The following SPATA31E1 variants were observed in gnomAD, a reference collection of about 807,000 sequenced individuals.
SPATA31E1 encodes SPATA31 subfamily E member 1.
In SPATA31E1, 7 loss-of-function variants were observed where a neutral mutation model predicts 12.9. The observed-to-expected ratio is 0.54, with a 90% CI of 0.31 to 1.02. The LOEUF is 1.02. Ranked by LOEUF, SPATA31E1 falls within the 50% of genes least tolerant of loss-of-function variation. The pLI is 0.05. For missense variants in SPATA31E1, 1,961 were observed against 1,799.8 expected (o/e 1.09, Z -1.62); for synonymous variants, 771 against 719.0 (o/e 1.07, Z -1.16).
Position 87,886,533 on chromosome 9 carries a change from C to A in SPATA31E1, c.2046C>A (p.Asp682Glu), listed in dbSNP as rs4076795. 942,903 of 1,613,702 alleles carry A rather than the reference C, an allele frequency of 0.58. 283,828 individuals are homozygous for A. Among genetic ancestry groups the A allele is most frequent in the African/African-American group, 0.89 (67,017 of 74,956 alleles). ...QQALLPSQPS[D>E]FAGKGRKDVQ... ...CCCTCTTGCCCTCCCAGCCTTCTGA[C>A]TTTGCAGGGAAGGGCAGGAAGGATG... Residue 682 changes from aspartate to glutamate, a missense_variant, in exon 4 of 4, where the codon GAC becomes GAA. Transcript: ENST00000325643.
intron 2 of SPATA31E1, among the ~76,000 whole-genome samples, chr9:87,884,356 A>G (rs1421199877): frequency 6.6e-6 from 1 of 152,250 alleles, no homozygotes; most frequent in East Asian, 1.9e-4. Context: ...TGCTCTCCCA[A>G]CAAGATGGTT....
Position 87,885,065 on chromosome 9 carries a change from C to A in SPATA31E1, c.578C>A (p.Ala193Asp). 1 of 1,614,172 alleles carries A rather than the reference C, an allele frequency of 6.2e-7. No individual in the cohort carries two copies. The highest frequency in any genetic ancestry group is 8.5e-7 in the Non-Finnish European group (1 of 1,180,022). Residue 193 changes from alanine to aspartate, a missense_variant, in exon 4 of 4, where the codon GCT becomes GAT. Ala to Asp is a moderately radical substitution (Grantham distance 126). Coordinates refer to ENST00000325643, the MANE Select transcript of SPATA31E1 (RefSeq NM_178828.5). The stretch of plus-strand genomic sequence containing the variant: ...TCTCCTGCCAGCTTGTCCCCACCAG[C>A]TCCCCCAGCTCCTCTGGCCTCCACC... ...DPSPASLSPP[A>D]PPAPLASTLS...
chr9:87,886,620 A>G lies in SPATA31E1; in HGVS notation c.2133A>G (p.Lys711=). The change falls in exon 4 of 4, where the codon AAA becomes AAG. Residue 711 remains lysine, a synonymous_variant. Transcript: ENST00000325643. ...CTGACAAGGGGTGCTTAGGGTCCAA[A>G]CTAGGGCCGGACCCAAGCCGGGATC... ...RFSDKGCLGS[K]LGPDPSRDQG... 1.2e-6 allele frequency: 2 copies of G among 1,613,972 alleles called. No homozygotes were observed. Among genetic ancestry groups the G allele is most frequent in the South Asian group, 2.2e-5 (2 of 91,080 alleles).
In SPATA31E1 at chr9:87,887,743, G is replaced by C; in HGVS notation, c.3256G>C (p.Asp1086His). 1 of 1,614,084 alleles carries C rather than the reference G, an allele frequency of 6.2e-7. No homozygotes were observed. The highest frequency in any genetic ancestry group is 1.1e-5 in the South Asian group (1 of 91,084). The part of the protein sequence containing the change: ...PSASSVCVAQ[D>H]PEQLHLKAQV... ...AGCGTCTTCAGTCTGTGTTGCTCAG[G>C]ATCCAGAGCAGCTGCACCTGAAAGC... Residue 1086 changes from aspartate (D) to histidine (H), a missense_variant, in exon 4 of 4, where the codon GAT (aspartate) becomes CAT (histidine). By Grantham distance (81) the Asp-to-His change is moderately conservative. Coordinates refer to ENST00000325643, the MANE Select transcript of SPATA31E1 (RefSeq NM_178828.5).
rs750715484 is a variant in SPATA31E1, at chr9:87,882,885, G to C, written c.-7G>C. On this transcript the variant is annotated 5_prime_UTR_variant, in exon 1 of 4. Coordinates refer to ENST00000325643, the MANE Select transcript of SPATA31E1 (RefSeq NM_178828.5). ...GGGGATGCCCAGAGCTCAGTTGCTT[G>C]AAGGCGATGGGAAATCTCGTCATCC... 2 of 1,608,654 alleles carry C rather than the reference G, an allele frequency of 1.2e-6. No individual in the cohort carries two copies. The highest frequency in any genetic ancestry group is 8.5e-7 in the Non-Finnish European group (1 of 1,176,908).
rs749735008 is a variant in SPATA31E1, at chr9:87,886,511, T to C, written c.2024T>C (p.Leu675Pro). 3 of 1,613,692 alleles carry C rather than the reference T, an allele frequency of 1.9e-6. No homozygotes were observed. The African/African-American group carries it at 4.0e-5, about 22-fold the overall frequency. The change falls in exon 4 of 4, where the codon CTC becomes CCC. Residue 675 changes from leucine (L) to proline (P), a missense_variant. Leu to Pro is a moderately conservative substitution (Grantham distance 98). Transcript: ENST00000325643. ...QSQAEDTQQA[L>P]LPSQPSDFAG... ...CAGGCAGAAGACACGCAGCAGGCCC[T>C]CTTGCCCTCCCAGCCTTCTGACTTT...
At position 87,885,601 on chromosome 9, in the gene SPATA31E1, A is replaced by G. The variant is rs1828253800; in HGVS notation, c.1114A>G (p.Arg372Gly). Residue 372 changes from arginine (R) to glycine (G), a missense_variant, in exon 4 of 4, where the codon AGA becomes GGA. Physicochemically the swap from Arg to Gly is moderately radical, Grantham distance 125. Coordinates refer to ENST00000325643, the MANE Select transcript of SPATA31E1 (RefSeq NM_178828.5). ...GCTGCTGGAGACCCTCATCGCCAAG[A>G]GAGCACTGATGAAGATGTGGCAGGA... ...QKLLETLIAKRALMKMWQEKE... is the reference protein window; with the variant it reads ...QKLLETLIAKGALMKMWQEKE... 2 of 1,614,002 alleles carry G rather than the reference A, an allele frequency of 1.2e-6. No individual in the cohort carries two copies. Among genetic ancestry groups the G allele is most frequent in the Non-Finnish European group, 1.7e-6 (2 of 1,180,048 alleles).
Position 87,886,291 on chromosome 9 carries a change from G to A in SPATA31E1, c.1804G>A (p.Glu602Lys). Reference protein sequence around the residue: ...LSQPTAHLPQERPASWSPKSA... With the variant: ...LSQPTAHLPQKRPASWSPKSA... Reference sequence around the variant, plus strand: ...CCAGCCCACTGCCCACCTTCCCCAAGAGAGGCCGGCCTCCTGGAGCCCCAA... The same window carrying A: ...CCAGCCCACTGCCCACCTTCCCCAAAAGAGGCCGGCCTCCTGGAGCCCCAA... The change falls in exon 4 of 4, where the codon GAG becomes AAG. Residue 602 changes from glutamate to lysine, a missense_variant. By Grantham distance (56) the Glu-to-Lys change is moderately conservative. Transcript: ENST00000325643. 6.2e-7 allele frequency: 1 copy of A among 1,613,710 alleles called. No homozygotes were observed.
chr9:87,885,131 C>A lies in SPATA31E1; in HGVS notation c.644C>A (p.Pro215Gln), dbSNP rs1450073390. 2 of 1,614,036 alleles carry A rather than the reference C, an allele frequency of 1.2e-6. No individual in the cohort carries two copies. Among genetic ancestry groups the A allele is most frequent in the South Asian group, 1.1e-5 (1 of 91,084 alleles). The change falls in exon 4 of 4, where the codon CCA (proline) becomes CAA (glutamine). Residue 215 changes from proline (P) to glutamine (Q), a missense_variant. Physicochemically the swap from Pro to Gln is moderately conservative, Grantham distance 76. Coordinates refer to ENST00000325643, the MANE Select transcript of SPATA31E1 (RefSeq NM_178828.5). ...ATGACCTTCTCAGAGCCTTTTGGAC[C>A]ACACTCAACCCTGAGTGCCTCCGGG... ...GPMTFSEPFG[P>Q]HSTLSASGPP... is the part of the protein sequence containing the mutation.
In SPATA31E1 at chr9:87,886,659, G is replaced by A; in HGVS notation, c.2172G>A (p.Arg724=). 6.2e-7 allele frequency: 1 copy of A among 1,614,020 alleles called. No individual in the cohort carries two copies. The highest frequency in any genetic ancestry group is 8.5e-7 in the Non-Finnish European group (1 of 1,180,046). Residue 724 remains arginine (R), a synonymous_variant, in exon 4 of 4, where the codon AGG becomes AGA. Transcript: ENST00000325643. ...CAAGCCGGGATCAAGGCTCAGGAAGGACCTCAGTGAAGGCTCTGGACGAAG... is the reference window on the plus strand; with the variant it reads ...CAAGCCGGGATCAAGGCTCAGGAAGAACCTCAGTGAAGGCTCTGGACGAAG... ...PDPSRDQGSG[R]TSVKALDEDK... is the part of the protein sequence containing the mutation.
Position 87,885,005 on chromosome 9 carries a change from C to A in SPATA31E1, c.518C>A (p.Ala173Asp), listed in dbSNP as rs1564127809. 3 of 1,614,132 alleles carry A rather than the reference C, an allele frequency of 1.9e-6. No individual in the cohort carries two copies. Among genetic ancestry groups the A allele is most frequent in the East Asian group, 4.5e-5 (2 of 44,874 alleles). Residue 173 changes from alanine (A) to aspartate (D), a missense_variant, in exon 4 of 4, where the codon GCC (alanine) becomes GAC (aspartate). Coordinates refer to ENST00000325643, the MANE Select transcript of SPATA31E1 (RefSeq NM_178828.5). ...GDVCKPVPAK[A>D]HQPHGKCMQD... ...GTGTGTAAACCAGTGCCTGCTAAGG[C>A]CCACCAGCCGCATGGGAAATGCATG... is the stretch of plus-strand genomic sequence containing the variant.
Position 87,887,067 on chromosome 9 carries a change from CTGGT to C in SPATA31E1, c.2581_2584del (p.Trp861GlnfsTer55), listed in dbSNP as rs1828293175. The C allele has an allele frequency of 1.2e-6, 2 of 1,614,004 alleles. No individual in the cohort carries two copies. Among genetic ancestry groups the C allele is most frequent in the African/African-American group, 1.3e-5 (1 of 74,944 alleles). ...TCCAGTCCCTGGAGCCCATAAATGT[CTGGT>C]CAGGTGAGGCTCAGGCCCCGCCCTT... On this transcript the variant is annotated frameshift_variant, in exon 4 of 4. Transcript: ENST00000325643. LOFTEE classifies it low-confidence loss of function (END_TRUNC).
rs1290480790 is a variant in SPATA31E1, at chr9:87,885,456, T to C, written c.969T>C (p.His323=). 6 of 1,613,942 alleles carry C rather than the reference T, an allele frequency of 3.7e-6. No individual in the cohort carries two copies. Among genetic ancestry groups the C allele is most frequent in the Non-Finnish European group, 5.1e-6 (6 of 1,179,904 alleles). The change falls in exon 4 of 4, where the codon CAT becomes CAC. Residue 323 remains histidine (H), a synonymous_variant. Coordinates refer to ENST00000325643, the MANE Select transcript of SPATA31E1 (RefSeq NM_178828.5). ...ATTWGLSTYS[H]GKSQPRHLPD... The stretch of plus-strand genomic sequence containing the variant: ...CCTGGGGCCTCTCCACCTACTCACA[T>C]GGCAAATCCCAGCCACGGCATCTTC...
intron 1 of SPATA31E1, among the ~76,000 whole-genome samples, chr9:87,883,522 G>A (rs374797218): frequency 5.2e-4 from 79 of 152,304 alleles, no homozygotes; most frequent in African/African-American, 1.8e-3. Flanking sequence ...GTGCCTGGGG[G>A]CCCAGCCTCC....
chr9:87,887,392 A>T lies in SPATA31E1; in HGVS notation c.2905A>T (p.Arg969Ter). 1 of 1,613,826 alleles carries T rather than the reference A, an allele frequency of 6.2e-7. No homozygotes were observed. Among genetic ancestry groups the T allele is most frequent in the Non-Finnish European group, 8.5e-7 (1 of 1,180,028 alleles). The change falls in exon 4 of 4, where the codon AGA becomes TGA. Residue 969 changes from arginine (R) to a stop codon, truncating the protein, a stop_gained. Transcript: ENST00000325643. LOFTEE classifies it low-confidence loss of function (END_TRUNC). ...SQPPTCSLVG[R>*]TWQSRTVLES... Reference sequence around the variant, plus strand: ...GCCCCCAACATGCAGCCTTGTGGGCAGAACCTGGCAGAGCAGGACTGTCCT... The same window carrying T: ...GCCCCCAACATGCAGCCTTGTGGGCTGAACCTGGCAGAGCAGGACTGTCCT...
At position 87,886,672 on chromosome 9, in the gene SPATA31E1, GCT is replaced by G. The variant is rs774166213; in HGVS notation, c.2188_2189del (p.Leu730GlyfsTer9). The G allele has an allele frequency of 3.2e-5, 51 of 1,613,866 alleles. No individual in the cohort carries two copies. The highest frequency in any genetic ancestry group is 4.1e-5 in the Non-Finnish European group (48 of 1,180,034). On this transcript the variant is annotated frameshift_variant, in exon 4 of 4. Coordinates refer to ENST00000325643, the MANE Select transcript of SPATA31E1 (RefSeq NM_178828.5). LOFTEE classifies it low-confidence loss of function (END_TRUNC). Reference protein sequence around the residue: ...DQGSGRTSVKALDEDKEAEGD... With the variant: ...DQGSGRTSVKXLDEDKEAEGD... ...AGGCTCAGGAAGGACCTCAGTGAAG[GCT>G]CTGGACGAAGACAAGGAGGCAGAAG...
chr9:87,886,173 T>C lies in SPATA31E1; in HGVS notation c.1686T>C (p.Thr562=), dbSNP rs745358930. 55 of 1,607,478 alleles carry C rather than the reference T, an allele frequency of 3.4e-5. No homozygotes were observed. The highest frequency in any genetic ancestry group is 1.7e-4 in the Admixed American group (10 of 59,744). ...AGAGGACACAGTCTGTCATCCCCAC[T>C]GGAAAGGAGTATCTTGAATGGCCCT... The part of the protein sequence containing the change: ...SQERTQSVIP[T]GKEYLEWPLK... The change falls in exon 4 of 4, where the codon ACT becomes ACC. Residue 562 remains threonine, a synonymous_variant. Coordinates refer to ENST00000325643, the MANE Select transcript of SPATA31E1 (RefSeq NM_178828.5).
rs541594637 is a variant in SPATA31E1, at chr9:87,886,973, C to T, written c.2486C>T (p.Pro829Leu). Residue 829 changes from proline to leucine, a missense_variant, in exon 4 of 4, where the codon CCC becomes CTC. Transcript: ENST00000325643. ...NTSQELSFLH[P>L]CTQQILEVHL... ...TCCCAGGAGCTTTCCTTCCTCCATC[C>T]CTGCACCCAGCAGATACTGGAAGTA... 30 of 1,614,116 alleles carry T rather than the reference C, an allele frequency of 1.9e-5. No homozygotes were observed. In the East Asian group the frequency reaches 2.2e-4, roughly 12 times the overall value.
intron 1 of SPATA31E1, among the ~76,000 whole-genome samples, chr9:87,883,440 G>T (rs1045243208): frequency 1.3e-5 from 2 of 152,116 alleles, no homozygotes; most frequent in Non-Finnish European, 2.9e-5. Context: ...CAAGGACCGG[G>T]TCAGGAGAGG....
Sources: gnomAD v4.1 joint callset for allele counts (sites outside exome capture counted in the v4.1 genomes callset) on GRCh38, gnomAD v4.1.1 for gene constraint, MANE v1.5 for transcripts, NCBI Gene and HGNC (gene_info 2026-07-23, HGNC 2026-07-21) for gene names.